The following MYOM2 variants were observed in gnomAD, a reference collection of about 807,000 sequenced individuals.
The protein encoded by MYOM2 is myomesin-2.
MYOM2 carries 254 observed loss-of-function variants against 187.6 expected under a neutral mutation model. The observed-to-expected ratio is 1.35, with a 90% CI of 1.22 to 1.50. MYOM2 has a LOEUF of 1.50. MYOM2 is among the 40% of genes most tolerant of loss of function. The pLI, the probability that MYOM2 is intolerant of heterozygous loss-of-function variation, is 0.00. For synonymous variants in MYOM2, 981 were observed against 753.8 expected (o/e 1.30, Z -4.94); for missense variants, 2,796 against 1,924.0 (o/e 1.45, Z -8.48).
intron 8 of MYOM2, among the ~76,000 whole-genome samples, chr8:2,072,042 G>A (rs1198204642): frequency 6.6e-6 from 1 of 152,198 alleles, no homozygotes; most frequent in Non-Finnish European, 1.5e-5. Flanking sequence ...TGTGGAGCAC[G>A]GACCTGGCTA....
At chr8:2,096,734 G>A (rs765315691) in intron 18 of MYOM2, among the ~76,000 whole-genome samples, 41 of 152,166 alleles carry the variant, frequency 2.7e-4, no homozygotes, top group Non-Finnish European at 4.9e-4. Context: ...CTTGTTCTAG[G>A]CTCTGAGGCC....
rs557745332 is a variant in MYOM2 at position 2,114,362 on chromosome 8, C to T, written c.3181-1598C>T. 2.1e-3 allele frequency among the ~76,000 whole-genome samples: 315 copies of T among 152,314 alleles called. 1 individual carries two copies. The highest frequency in any genetic ancestry group is 6.3e-3 in the Admixed American group (96 of 15,302). ...TGTTCTCAGACCAACCAACAGCCTT[C>T]CAGTCTTTCTCCTATCTTAGCAACA... On this transcript the variant is annotated intron_variant, in intron 25 of 36. Coordinates refer to ENST00000262113, the MANE Select transcript of MYOM2 (RefSeq NM_003970.4).
chr8:2,113,844 C>A (rs964355124), intron 25 of MYOM2, among the ~76,000 whole-genome samples: 1 of 152,220 alleles, frequency 6.6e-6, no homozygotes, highest in Admixed American at 6.5e-5. Flanking sequence ...TCATCAGAAC[C>A]TTGTTGGACA....
At chr8:2,126,628 G>A (rs1488068534) in intron 31 of MYOM2, among the ~76,000 whole-genome samples, 1 of 151,824 alleles carries the variant, frequency 6.6e-6, no homozygotes, top group Non-Finnish European at 1.5e-5. Flanking sequence ...GGAGCATTGG[G>A]GGAGGCTGAT....
chr8:2,093,776 G>A (rs1238205738), intron 16 of MYOM2, among the ~76,000 whole-genome samples, 194 bp from the exon 17 acceptor site: 1 of 152,222 alleles, frequency 6.6e-6, no homozygotes, highest in African/African-American at 2.4e-5. Context: ...CGTGTAGTCA[G>A]CTCCTGCTAT....
chr8:2,107,283 G>C (rs1490242251), intron 23 of MYOM2, among the ~76,000 whole-genome samples: 1 of 152,142 alleles, frequency 6.6e-6, no homozygotes, highest in Non-Finnish European at 1.5e-5. Flanking sequence ...CAGTGGTGCA[G>C]CGTGAACTCG....
At position 2,109,412 on chromosome 8, in the gene MYOM2, G is replaced by C. The variant is rs1481048424; in HGVS notation, c.3061G>C (p.Glu1021Gln). The stretch of plus-strand genomic sequence containing the variant: ...TCCTGTAGCAATTCCTCTGAAATCG[G>C]AATTAGCTTATGAGATTTTTGATAA... ...IKNPTIPLKS[E>Q]LAYEIFDKGR... The change falls in exon 25 of 37, where the codon GAA (glutamate) becomes CAA (glutamine). Residue 1021 changes from glutamate (E) to glutamine (Q), a missense_variant. Glu to Gln is a conservative substitution (Grantham distance 29, BLOSUM62 2). Transcript: ENST00000262113. 18 of 1,609,154 alleles carry C rather than the reference G, an allele frequency of 1.1e-5. No homozygotes were observed. Among genetic ancestry groups the C allele is most frequent in the Non-Finnish European group, 1.5e-5 (18 of 1,177,932 alleles).
At chr8:2,065,224 A>C (rs549300427) in intron 6 of MYOM2, among the ~76,000 whole-genome samples, 8 of 152,198 alleles carry the variant, frequency 5.3e-5, no homozygotes, top group African/African-American at 1.9e-4. Flanking sequence ...GGCTGGTCTC[A>C]TGAAGGCACC....
intron 32 of MYOM2, among the ~76,000 whole-genome samples, chr8:2,131,683 A>C (rs1563078108): frequency 7.1e-6 from 1 of 140,782 alleles, no homozygotes; most frequent in East Asian, 2.1e-4. Context: ...TCACTCTGTC[A>C]CCCAGGCTGG....
intron 19 of MYOM2, among the ~76,000 whole-genome samples, chr8:2,100,073 C>T (rs1419638366): frequency 6.5e-5 from 5 of 76,848 alleles, no homozygotes; most frequent in Non-Finnish European, 1.4e-4. Flanking sequence ...TCCTTCTTTC[C>T]TTCCTTTCTT....
At chr8:2,094,125 C>T (rs1273593697) in intron 17 of MYOM2, 34 bp downstream of exon 17, 27 of 1,609,394 alleles carry the variant, frequency 1.7e-5, no homozygotes, top group Non-Finnish European at 2.1e-5. Flanking sequence ...GTGCCGATTG[C>T]TCCCATACAC....
intron 6 of MYOM2, among the ~76,000 whole-genome samples, chr8:2,063,185 C>G (rs1252519651): frequency 2.6e-5 from 4 of 152,214 alleles, no homozygotes; most frequent in Non-Finnish European, 5.9e-5. Flanking sequence ...GATAAACCCA[C>G]AAATTACAGC....
chr8:2,118,027 G>C (rs1797306425), intron 28 of MYOM2, 75 bp downstream of exon 28: 2 of 1,308,190 alleles, frequency 1.5e-6, no homozygotes, highest in South Asian at 1.2e-5. Flanking sequence ...TCAGGGAGTA[G>C]CTGTGGCCAG....
chr8:2,140,688 C>A, intron 32 of MYOM2, 35 bp from the exon 33 acceptor site: 1 of 1,608,820 alleles, frequency 6.2e-7, no homozygotes, highest in Non-Finnish European at 8.5e-7. Flanking sequence ...ACATGGAGAC[C>A]CTAACTCAGA....
chr8:2,082,675 T>C (rs1338579512), intron 13 of MYOM2, among the ~76,000 whole-genome samples: 2 of 152,320 alleles, frequency 1.3e-5, no homozygotes, highest in East Asian at 3.9e-4. Flanking sequence ...AAGGCCAGAA[T>C]AGACCCTCAC....
At position 2,100,907 on chromosome 8, in the gene MYOM2, C is replaced by T; in HGVS notation, c.2472C>T (p.Val824=). The T allele has an allele frequency of 6.2e-7, 1 of 1,614,176 alleles. No individual in the cohort carries two copies. Among genetic ancestry groups the T allele is most frequent in the Non-Finnish European group, 8.5e-7 (1 of 1,180,030 alleles). ...GPAYDLTFCE[V]RDTSLVMLWK... The stretch of plus-strand genomic sequence containing the variant: ...CCTACGACTTGACGTTCTGTGAGGT[C>T]AGGGACACGTCCTTGGTCATGCTGT... The change falls in exon 20 of 37, where the codon GTC becomes GTT. Residue 824 remains valine (V), a synonymous_variant. Transcript: ENST00000262113.
chr8:2,086,952 G>A (rs1299212218), intron 14 of MYOM2, among the ~76,000 whole-genome samples: 2 of 150,342 alleles, frequency 1.3e-5, no homozygotes, highest in African/African-American at 4.9e-5. Context: ...TTTTTTTCCT[G>A]AATGCATACA....
chr8:2,135,274 A>G lies in MYOM2; in HGVS notation c.3801-5449A>G, dbSNP rs1356849025. Reference sequence around the variant, plus strand: ...ATTAATTCCTTTCATCTTTAGCCATACAGTATCAAATCAAAATATTGCTTT... The same window carrying G: ...ATTAATTCCTTTCATCTTTAGCCATGCAGTATCAAATCAAAATATTGCTTT... On this transcript the variant is annotated intron_variant, in intron 32 of 36. Transcript: ENST00000262113. 2.0e-5 allele frequency among the ~76,000 whole-genome samples: 3 copies of G among 152,164 alleles called. No homozygotes were observed. The East Asian group carries it at 5.8e-4, about 29-fold the overall frequency.
At chr8:2,122,450 C>T (rs1012506949) in intron 28 of MYOM2, among the ~76,000 whole-genome samples, 2 of 152,322 alleles carry the variant, frequency 1.3e-5, no homozygotes, top group Admixed American at 6.5e-5. Flanking sequence ...CTGTCGAGAA[C>T]GATGCCATTT....
Sources: gnomAD v4.1 joint callset for allele counts (sites outside exome capture counted in the v4.1 genomes callset) on GRCh38, gnomAD v4.1.1 for gene constraint, MANE v1.5 for transcripts, NCBI Gene and HGNC (gene_info 2026-07-23, HGNC 2026-07-21) for gene names.